The following CEMIP2 variants were observed in gnomAD, a reference collection of about 807,000 sequenced individuals.
The protein encoded by CEMIP2 is cell migration inducing hyaluronidase 2.
A neutral mutation model predicts 146.9 loss-of-function variants in CEMIP2; 79 were observed. That is an observed-to-expected ratio of 0.54 (90% CI 0.45 to 0.65). The LOEUF (loss-of-function observed/expected upper bound fraction) is 0.65, where lower values mean the gene tolerates loss of function less well. Among genes scored for constraint, CEMIP2 ranks in the 30% least tolerant of loss-of-function variants. The pLI is 0.00. For missense variants in CEMIP2, 1,596 were observed against 1,696.2 expected (o/e 0.94, Z 1.04); for synonymous variants, 601 against 606.3 (o/e 0.99, Z 0.13).
chr9:71,730,312 A>G (rs1823579499), intron 8 of CEMIP2, 59 bp from the exon 9 acceptor site: 21 of 1,527,954 alleles, frequency 1.4e-5, no homozygotes, highest in Non-Finnish European at 1.7e-5. Context: ...GATTTAAGTG[A>G]CAAGCGCTAT....
Position 71,698,200 on chromosome 9 carries a change from G to C in CEMIP2, c.3382C>G (p.Leu1128Val). The C allele has an allele frequency of 6.2e-7, 1 of 1,614,012 alleles. No homozygotes were observed. Among genetic ancestry groups the C allele is most frequent in the Non-Finnish European group, 8.5e-7 (1 of 1,179,916 alleles). Reference sequence around the variant, plus strand: ...CTTTTGGCTTTGAGATACAAAAACAGTAACCTGCACAAAACAGAAACCAAT... The same window carrying C: ...CTTTTGGCTTTGAGATACAAAAACACTAACCTGCACAAAACAGAAACCAAT... ...KFYFDSSTGLLFLYLKAKSHR... is the reference protein window; with the variant it reads ...KFYFDSSTGLVFLYLKAKSHR... The change falls in exon 20 of 24, where the codon CTG (leucine) becomes GTG (valine). Residue 1128 changes from leucine to valine, a missense_variant. By Grantham distance (32) the Leu-to-Val change is conservative. Transcript: ENST00000377044.
chr9:71,698,557 G>A (rs1369840833), intron 19 of CEMIP2, among the ~76,000 whole-genome samples: 2 of 152,098 alleles, frequency 1.3e-5, no homozygotes, highest in Non-Finnish European at 2.9e-5. Context: ...TTTAGGATTT[G>A]GTAAATTAGT....
chr9:71,744,878 A>G, intron 4 of CEMIP2, 140 bp downstream of exon 4: 1 of 896,208 alleles, frequency 1.1e-6, no homozygotes, highest in Non-Finnish European at 1.7e-6. Flanking sequence ...CCCATGTCTC[A>G]AAGCTACCAG....
At chr9:71,708,590 C>T (rs995744670) in intron 17 of CEMIP2, among the ~76,000 whole-genome samples, 1 of 152,200 alleles carries the variant, frequency 6.6e-6, no homozygotes, top group African/African-American at 2.4e-5. Context: ...AATCTGTGCT[C>T]TTAACCATAT....
rs1413095862 is a variant in CEMIP2, at chr9:71,715,097, A to G, written c.2436-8T>C. On this transcript the variant is annotated splice_region_variant and splice_polypyrimidine_tract_variant and intron_variant, in intron 14 of 23. Coordinates refer to ENST00000377044, the MANE Select transcript of CEMIP2 (RefSeq NM_013390.3). ...CTTGGGAAGCTTCCATCACTGTTAA[A>G]ATGCGAACAATCATTAGCTACATTT... 6.2e-7 allele frequency: 1 copy of G among 1,612,806 alleles called. No individual in the cohort carries two copies. The highest frequency in any genetic ancestry group is 8.5e-7 in the Non-Finnish European group (1 of 1,179,492).
At chr9:71,692,624 T>C (rs562002384) in intron 21 of CEMIP2, among the ~76,000 whole-genome samples, 1 of 152,138 alleles carries the variant, frequency 6.6e-6, no homozygotes, top group South Asian at 2.1e-4. Flanking sequence ...TTGAAGAAAC[T>C]TTAACCTGGT....
At chr9:71,752,230 G>A (rs935825984) in intron 1 of CEMIP2, among the ~76,000 whole-genome samples, 2 of 151,474 alleles carry the variant, frequency 1.3e-5, no homozygotes, top group Admixed American at 6.6e-5. Context: ...CCAAACAATC[G>A]AGAGGCAAAG....
chr9:71,700,512 A>G, intron 19 of CEMIP2, 130 bp downstream of exon 19: 1 of 898,652 alleles, frequency 1.1e-6, no homozygotes, highest in Non-Finnish European at 1.6e-6. Context: ...CTAAACCTCT[A>G]ATAGAGAAGA....
At chr9:71,753,204 A>C (rs747874344) in intron 1 of CEMIP2, among the ~76,000 whole-genome samples, 6 of 151,440 alleles carry the variant, frequency 4.0e-5, no homozygotes, top group Non-Finnish European at 7.4e-5. Context: ...GGGAGTGGGA[A>C]TCTTTTGTTT....
chr9:71,693,833 T>C (rs1822304546), intron 21 of CEMIP2, among the ~76,000 whole-genome samples: 1 of 152,246 alleles, frequency 6.6e-6, no homozygotes, highest in Non-Finnish European at 1.5e-5. Flanking sequence ...AATATTTCTA[T>C]GTTGAAATCC....
chr9:71,706,322 C>T (rs1213014747), intron 17 of CEMIP2, among the ~76,000 whole-genome samples: 28 of 151,564 alleles, frequency 1.8e-4, no homozygotes, highest in Admixed American at 1.8e-3. Context: ...GATCCAATTG[C>T]TCCCATTTTT....
intron 1 of CEMIP2, among the ~76,000 whole-genome samples, chr9:71,752,256 G>T (rs1188585418): frequency 6.6e-6 from 1 of 151,056 alleles, no homozygotes; most frequent in Non-Finnish European, 1.5e-5. Context: ...GCTTTGCAAG[G>T]GTGCTAAGTC....
At chr9:71,767,892 G>A (rs1824846078) in intron 1 of CEMIP2, among the ~76,000 whole-genome samples, 1 of 152,162 alleles carries the variant, frequency 6.6e-6, no homozygotes, top group African/African-American at 2.4e-5. Context: ...ACAAGCGCGC[G>A]CGCACTGAAG....
At chr9:71,756,252 A>G (rs987081517) in intron 1 of CEMIP2, among the ~76,000 whole-genome samples, 8 of 134,530 alleles carry the variant, frequency 5.9e-5, no homozygotes, top group Admixed American at 5.9e-4. Flanking sequence ...ATATATATAT[A>G]TATATGTATA....
At chr9:71,711,454 C>T (rs1318945181) in intron 16 of CEMIP2, among the ~76,000 whole-genome samples, 2 of 151,684 alleles carry the variant, frequency 1.3e-5, no homozygotes, top group Non-Finnish European at 2.9e-5. Flanking sequence ...CTTGTATACC[C>T]AGCTACTTAG....
At chr9:71,719,649 A>G (rs1823173187) in intron 12 of CEMIP2, among the ~76,000 whole-genome samples, 2 of 152,152 alleles carry the variant, frequency 1.3e-5, no homozygotes, top group South Asian at 4.2e-4. Context: ...AAAGAGTGTC[A>G]TATCCATCTT....
At chr9:71,728,317 ACGTATATATATATATC>A (rs1823508626) in intron 10 of CEMIP2, among the ~76,000 whole-genome samples, 2 of 65,056 alleles carry the variant, frequency 3.1e-5, no homozygotes, top group African/African-American at 6.6e-5. Context: ...ATATATATAT[ACGTATATATATATATC>A]TCAGCAGGTA....
At chr9:71,735,901 TGAGCAACAGAGC>T (rs1189372451) in intron 5 of CEMIP2, among the ~76,000 whole-genome samples, 1 of 152,124 alleles carries the variant, frequency 6.6e-6, no homozygotes, top group African/African-American at 2.4e-5. Flanking sequence ...AAGACTAGCT[TGAGCAACAGAGC>T]GAGGCCCCAT....
intron 18 of CEMIP2, among the ~76,000 whole-genome samples, chr9:71,703,240 G>T (rs1822627039): frequency 6.6e-6 from 1 of 152,160 alleles, no homozygotes; most frequent in Admixed American, 6.5e-5. Context: ...GAACCAACAG[G>T]GTGCAGTTAC....
Sources: gnomAD v4.1 joint callset for allele counts (sites outside exome capture counted in the v4.1 genomes callset) on GRCh38, gnomAD v4.1.1 for gene constraint, MANE v1.5 for transcripts, NCBI Gene and HGNC (gene_info 2026-07-23, HGNC 2026-07-21) for gene names.